Variants in ITGA1 observed in about 807,000 individuals in gnomAD.
ITGA1 encodes the protein integrin subunit alpha 1.
ITGA1 carries 85 observed loss-of-function variants against 145.9 expected under a neutral mutation model. The observed-to-expected ratio is 0.58, with a 90% CI of 0.49 to 0.70. ITGA1 has a LOEUF of 0.70. Ranked by LOEUF, ITGA1 falls within the 30% of genes least tolerant of loss-of-function variation. The pLI is 0.00. For missense variants in ITGA1, 1,351 were observed against 1,418.7 expected, an observed-to-expected ratio of 0.95 and a Z score of 0.77; for synonymous variants, 520 against 495.3, an observed-to-expected ratio of 1.05 and a Z score of -0.66.
At chr5:52,816,455 T>G in intron 1 of ITGA1, among the ~76,000 whole-genome samples, 1 of 152,166 alleles carries the variant, frequency 6.6e-6, no homozygotes, top group East Asian at 1.9e-4. Context: ...TTCCCAGCCA[T>G]GGCATGAAGT....
chr5:52,910,488 C>T, intron 14 of ITGA1, 69 bp downstream of exon 14: 1 of 1,494,432 alleles, frequency 6.7e-7, no homozygotes, highest in Non-Finnish European at 9.1e-7. Flanking sequence ...CATTACCTGT[C>T]TAACTTCATG....
At chr5:52,794,315 C>A (rs1194780109) in intron 1 of ITGA1, among the ~76,000 whole-genome samples, 1 of 151,826 alleles carries the variant, frequency 6.6e-6, no homozygotes, top group Non-Finnish European at 1.5e-5. Context: ...AATCATATAT[C>A]CTTACTACAA....
At chr5:52,807,211 C>A (rs1207958018) in intron 1 of ITGA1, among the ~76,000 whole-genome samples, 3 of 152,128 alleles carry the variant, frequency 2.0e-5, no homozygotes, top group African/African-American at 7.2e-5. Context: ...GTAGCAAATT[C>A]AAGAGCAAAA....
chr5:52,811,439 T>C (rs1420966857), intron 1 of ITGA1, among the ~76,000 whole-genome samples: 1 of 152,202 alleles, frequency 6.6e-6, no homozygotes, highest in African/African-American at 2.4e-5. Context: ...AATAAATCTT[T>C]AGTGACTCTC....
At chr5:52,891,631 T>A (rs1023741733) in intron 8 of ITGA1, among the ~76,000 whole-genome samples, 4 of 150,990 alleles carry the variant, frequency 2.6e-5, no homozygotes, top group East Asian at 1.9e-4. Flanking sequence ...CTAATTTTTT[T>A]ATTTATTACA....
intron 2 of ITGA1, among the ~76,000 whole-genome samples, chr5:52,851,179 C>T (rs1749426137): frequency 6.6e-6 from 1 of 152,152 alleles, no homozygotes; most frequent in African/African-American, 2.4e-5. Flanking sequence ...ATGAAATTCT[C>T]ATTTTCAATT....
intron 6 of ITGA1, among the ~76,000 whole-genome samples, chr5:52,870,489 ACT>A (rs1475313860): frequency 3.9e-5 from 6 of 152,192 alleles, no homozygotes; most frequent in Non-Finnish European, 7.3e-5. Flanking sequence ...GAAAGAGCCT[ACT>A]CAGAAAGGCT....
chr5:52,802,798 T>G (rs1748515143), intron 1 of ITGA1: 1 of 152,246 alleles, frequency 6.6e-6, no homozygotes, highest in Admixed American at 6.5e-5. Flanking sequence ...TGAAGAAGCC[T>G]GTTCTAAAGT....
At chr5:52,867,410 G>A (rs755007363) in intron 6 of ITGA1, among the ~76,000 whole-genome samples, 4 of 152,230 alleles carry the variant, frequency 2.6e-5, no homozygotes, top group Non-Finnish European at 5.9e-5. Context: ...GGGCTTTTAC[G>A]TATCACAAAA....
chr5:52,832,653 A>G (rs760130054), intron 1 of ITGA1, among the ~76,000 whole-genome samples: 2 of 150,302 alleles, frequency 1.3e-5, no homozygotes, highest in Non-Finnish European at 3.0e-5. Flanking sequence ...TACATACACT[A>G]TGTTAGAATA....
chr5:52,912,483 T>G (rs376014445), intron 14 of ITGA1, among the ~76,000 whole-genome samples: 8 of 119,578 alleles, frequency 6.7e-5, no homozygotes, highest in South Asian at 5.6e-4. Context: ...ATCCAGTATA[T>G]GTATTATATA....
intron 18 of ITGA1, among the ~76,000 whole-genome samples, chr5:52,924,340 T>C (rs924499251): frequency 6.6e-6 from 1 of 152,036 alleles, no homozygotes; most frequent in Non-Finnish European, 1.5e-5. Flanking sequence ...GCCATTTCAG[T>C]GGAGCCCTGA....
chr5:52,814,656 A>G (rs1344179038), intron 1 of ITGA1, among the ~76,000 whole-genome samples: 1 of 152,120 alleles, frequency 6.6e-6, no homozygotes, highest in Non-Finnish European at 1.5e-5. Flanking sequence ...TTTGCTCATA[A>G]GCTCCTGATA....
At chr5:52,950,450 T>C (rs1461141698) in intron 28 of ITGA1, among the ~76,000 whole-genome samples, 1 of 152,202 alleles carries the variant, frequency 6.6e-6, no homozygotes, top group Non-Finnish European at 1.5e-5. Flanking sequence ...CTTACTTTTC[T>C]GACAGTTATC....
At chr5:52,867,207 G>A (rs1018752314) in intron 6 of ITGA1, 5 of 151,982 alleles carry the variant, frequency 3.3e-5, no homozygotes, top group Non-Finnish European at 5.9e-5. Flanking sequence ...TGATATCTAT[G>A]TATATATAAT....
intron 6 of ITGA1, among the ~76,000 whole-genome samples, chr5:52,881,358 C>A (rs539724794): frequency 2.0e-5 from 3 of 152,130 alleles, no homozygotes; most frequent in African/African-American, 7.2e-5. Context: ...CCTGTATGGA[C>A]GCTCTGCCCT....
intron 12 of ITGA1, 102 bp downstream of exon 12, chr5:52,906,010 C>A: frequency 2.0e-6 from 2 of 980,158 alleles, no homozygotes; most frequent in Non-Finnish European, 3.0e-6. Context: ...CCCACATATT[C>A]AGTAACAACT....
In ITGA1 at chr5:52,955,598, T is replaced by C. The variant is rs1030734936; in HGVS notation, c.*3147T>C. The stretch of plus-strand genomic sequence containing the variant: ...ATGAACTTGCAGGAGAAGGAAGGAG[T>C]TGAAAGAAGGAAAATATAAAGGGTG... On this transcript the variant is annotated 3_prime_UTR_variant, in exon 29 of 29. Transcript: ENST00000282588. 2.0e-5 allele frequency: 3 copies of C among 151,994 alleles called. No individual in the cohort carries two copies. The highest frequency in any genetic ancestry group is 7.2e-5 in the African/African-American group (3 of 41,384). The allele number at this position is 151,994 out of a possible 1,614,324, so 9.4% of individuals were successfully genotyped here.
At chr5:52,933,247 T>C (rs1750918035) in intron 22 of ITGA1, 1 of 152,090 alleles carries the variant, frequency 6.6e-6, no homozygotes, top group Non-Finnish European at 1.5e-5. Context: ...ATGTAGATTG[T>C]GCTAATATTT....
Sources: gnomAD v4.1 joint callset for allele counts (sites outside exome capture counted in the v4.1 genomes callset) on GRCh38, gnomAD v4.1.1 for gene constraint, MANE v1.5 for transcripts, NCBI Gene and HGNC (gene_info 2026-07-23, HGNC 2026-07-21) for gene names.